The following PIP5K1B variants were observed in gnomAD, a reference collection of about 807,000 sequenced individuals.
PIP5K1B encodes phosphatidylinositol-4-phosphate 5-kinase type 1 beta, also known as phosphatidylinositol 4-phosphate 5-kinase type-1 beta.
Under a neutral mutation model 67.0 loss-of-function variants are expected in PIP5K1B, and 42 were observed. That is an observed-to-expected ratio of 0.63 (90% CI 0.49 to 0.81). PIP5K1B has a LOEUF of 0.81. Among genes scored for constraint, PIP5K1B ranks in the 30% least tolerant of loss-of-function variants. PIP5K1B has a pLI of 0.00. For missense variants in PIP5K1B, 459 were observed against 646.3 expected (o/e 0.71, Z 3.14); for synonymous variants, 214 against 231.4 (o/e 0.92, Z 0.68).
chr9:68,744,057 A>G (rs966530850), intron 2 of PIP5K1B, among the ~76,000 whole-genome samples: 2 of 152,154 alleles, frequency 1.3e-5, no homozygotes, highest in African/African-American at 2.4e-5. Context: ...GTCTTCCTGG[A>G]AAAGGAGGAA....
intron 4 of PIP5K1B, among the ~76,000 whole-genome samples, chr9:68,824,880 A>T (rs997561650): frequency 5.9e-5 from 9 of 152,212 alleles, no homozygotes; most frequent in Admixed American, 4.6e-4. Context: ...TTCCCAGATG[A>T]AAGAACTTAA....
intron 1 of PIP5K1B, among the ~76,000 whole-genome samples, chr9:68,711,109 CT>C (rs1448377078): frequency 1.3e-5 from 2 of 152,110 alleles, no homozygotes; most frequent in Non-Finnish European, 2.9e-5. Flanking sequence ...ATATTTAAGC[CT>C]TCACCATTCA....
At chr9:68,876,155 G>T in intron 5 of PIP5K1B, among the ~76,000 whole-genome samples, 1 of 152,172 alleles carries the variant, frequency 6.6e-6, no homozygotes, top group East Asian at 1.9e-4. Flanking sequence ...TTTTAAATAT[G>T]TAAGGTCTCC....
At chr9:68,931,270 TAA>T (rs943956428) in intron 12 of PIP5K1B, among the ~76,000 whole-genome samples, 8 of 152,222 alleles carry the variant, frequency 5.3e-5, no homozygotes, top group Non-Finnish European at 1.2e-4. Context: ...GAATAGAATA[TAA>T]GAGTTAAATT....
At chr9:68,982,075 G>A (rs1180067499) in intron 14 of PIP5K1B, among the ~76,000 whole-genome samples, 3 of 152,194 alleles carry the variant, frequency 2.0e-5, no homozygotes, top group Non-Finnish European at 4.4e-5. Flanking sequence ...AGCCTGAATC[G>A]AGAGAATTGT....
intron 2 of PIP5K1B, chr9:68,780,067 A>G: frequency 7.0e-7 from 1 of 1,422,146 alleles, no homozygotes; most frequent in East Asian, 2.6e-5. Context: ...CCGCTGACAG[A>G]TTCTCGGTGG....
intron 13 of PIP5K1B, among the ~76,000 whole-genome samples, chr9:68,936,374 G>GGT: frequency 6.6e-6 from 1 of 150,444 alleles, no homozygotes; most frequent in Non-Finnish European, 1.5e-5. Flanking sequence ...TTTGCTAAAA[G>GGT]TTTTTTTTTT....
chr9:68,796,151 A>G (rs1033662802), intron 2 of PIP5K1B, among the ~76,000 whole-genome samples: 1 of 152,222 alleles, frequency 6.6e-6, no homozygotes, highest in African/African-American at 2.4e-5. Flanking sequence ...CTGTATATTC[A>G]GCTCCATAAA....
At chr9:68,869,337 C>T (rs1238467414) in intron 5 of PIP5K1B, among the ~76,000 whole-genome samples, 9 of 152,110 alleles carry the variant, frequency 5.9e-5, no homozygotes, top group African/African-American at 1.4e-4. Flanking sequence ...GTTGTTTGCT[C>T]CTTATGAGAA....
intron 2 of PIP5K1B, among the ~76,000 whole-genome samples, chr9:68,807,752 C>G (rs1039301901): frequency 6.6e-6 from 1 of 152,134 alleles, no homozygotes; most frequent in African/African-American, 2.4e-5. Context: ...TGAATAATTC[C>G]CAAGGCATGT....
intron 2 of PIP5K1B, among the ~76,000 whole-genome samples, chr9:68,767,593 TAAA>T (rs36028796): frequency 0.51 from 65,586 of 128,088 alleles, 16,303 homozygotes; most frequent in East Asian, 0.6. Flanking sequence ...GACTCTGTCT[TAAA>T]AAAAAAAAAA....
chr9:68,756,622 AT>A (rs1280215177), intron 2 of PIP5K1B, among the ~76,000 whole-genome samples: 1 of 149,278 alleles, frequency 6.7e-6, no homozygotes, highest in Non-Finnish European at 1.5e-5. Context: ...TGTACATGTT[AT>A]TCTTCTCTCT....
intron 4 of PIP5K1B, among the ~76,000 whole-genome samples, chr9:68,823,792 C>T (rs959866603): frequency 2.6e-5 from 4 of 152,114 alleles, no homozygotes; most frequent in African/African-American, 7.2e-5. Context: ...GCCTGCAAGA[C>T]GTTTAGTCAT....
intron 4 of PIP5K1B, among the ~76,000 whole-genome samples, chr9:68,848,342 C>T (rs1822301223): frequency 6.6e-6 from 1 of 152,164 alleles, no homozygotes. Flanking sequence ...TCCTTTCTGG[C>T]CCTACAGTGT....
At chr9:68,774,602 T>A (rs918682127) in intron 2 of PIP5K1B, among the ~76,000 whole-genome samples, 1 of 152,230 alleles carries the variant, frequency 6.6e-6, no homozygotes, top group African/African-American at 2.4e-5. Flanking sequence ...TGTACACCCA[T>A]GTAAACTAGC....
chr9:68,859,108 A>G lies in PIP5K1B; in HGVS notation c.70-4729A>G, dbSNP rs148364000. ...TATGCACACACTAGCTAAGGGATTT[A>G]GACCAAGTTCATCTCCTGGAGCCAC... On this transcript the variant is annotated intron_variant, in intron 4 of 15. Transcript: ENST00000265382. Among the ~76,000 whole-genome samples the G allele has an allele frequency of 2.8e-3, 431 of 152,368 alleles. 1 individual carries two copies. The highest frequency in any genetic ancestry group is 9.8e-3 in the African/African-American group (406 of 41,586).
intron 8 of PIP5K1B, among the ~76,000 whole-genome samples, chr9:68,911,205 C>G (rs1438304671): frequency 6.6e-6 from 1 of 151,952 alleles, no homozygotes; most frequent in African/African-American, 2.4e-5. Context: ...GAAACCTTGT[C>G]TCTATTAAAA....
At chr9:68,890,221 A>G (rs1170099982) in intron 7 of PIP5K1B, among the ~76,000 whole-genome samples, 1 of 152,218 alleles carries the variant, frequency 6.6e-6, no homozygotes, top group Non-Finnish European at 1.5e-5. Flanking sequence ...ATCACCTTTC[A>G]TGTAATATTT....
chr9:68,783,245 A>G (rs1451736053), intron 2 of PIP5K1B: 1 of 167,000 alleles, frequency 6.0e-6, no homozygotes, highest in Admixed American at 6.5e-5. Context: ...AATAGCTTCA[A>G]TCCTCTCCTC....
Sources: allele counts gnomAD v4.1 joint callset (sites outside exome capture counted in the v4.1 genomes callset), GRCh38; gene constraint gnomAD v4.1.1; transcripts MANE v1.5; gene names NCBI Gene and HGNC (gene_info 2026-07-23, HGNC 2026-07-21).